Variants in CELF2 observed in about 807,000 individuals in gnomAD.
CELF2 encodes the protein CUGBP Elav-like family member 2.
CELF2 carries 8 observed loss-of-function variants against 62.6 expected under a neutral mutation model. That is an observed-to-expected ratio of 0.13 (90% CI 0.07 to 0.23). CELF2 has a LOEUF of 0.23. Among genes scored for constraint, CELF2 ranks in the 10% least tolerant of loss-of-function variants. The pLI is 1.00. For missense variants in CELF2, 333 were observed against 671.0 expected, an observed-to-expected ratio of 0.50 and a Z score of 5.56; for synonymous variants, 258 against 250.0, an observed-to-expected ratio of 1.03 and a Z score of -0.30.
At position 11,246,418 on chromosome 10, in the gene CELF2, G is replaced by A. The variant is rs2075629405; in HGVS notation, c.355-2735G>A. Among the ~76,000 whole-genome samples the A allele has an allele frequency of 6.6e-6, 1 of 152,092 alleles. No individual in the cohort carries two copies. The highest frequency in any genetic ancestry group is 1.5e-5 in the Non-Finnish European group (1 of 68,038). Reference sequence around the variant, plus strand: ...CTGAGCTTCCTGTTGAACTCCCTTTGCAGGTGACCTCAAAATAGAAGAAGC... The same window carrying A: ...CTGAGCTTCCTGTTGAACTCCCTTTACAGGTGACCTCAAAATAGAAGAAGC... On this transcript the variant is annotated intron_variant, in intron 3 of 12. Transcript: ENST00000633077. This position sits in a 1 kb window ranked among gnomAD's most constrained non-coding sequence, Gnocchi z 4.6.
chr10:10,613,444 C>A, the CELF2 span, among the ~76,000 whole-genome samples: 1 of 152,104 alleles, frequency 6.6e-6, no homozygotes, highest in African/African-American at 2.4e-5. Context: ...CATTGGCATG[C>A]GGAATCAATG....
chr10:11,239,079 G>T (rs892996767), intron 3 of CELF2, among the ~76,000 whole-genome samples: 2 of 152,116 alleles, frequency 1.3e-5, no homozygotes, highest in African/African-American at 4.8e-5. Context: ...TCTGACAGCC[G>T]ATTAGAGTAA....
intron 1 of CELF2, among the ~76,000 whole-genome samples, chr10:10,803,322 C>T (rs1370360675): frequency 6.6e-6 from 1 of 152,236 alleles, no homozygotes; most frequent in Non-Finnish European, 1.5e-5. Flanking sequence ...TCTGGCCTGA[C>T]CCTTATGAAC....
the CELF2 span, among the ~76,000 whole-genome samples, chr10:10,551,908 C>T: frequency 6.6e-6 from 1 of 152,126 alleles, no homozygotes; most frequent in East Asian, 1.9e-4. Context: ...CTTTAGAGGG[C>T]CGCATGCTGC....
chr10:11,050,511 G>A (rs1427429327), intron 1 of CELF2, among the ~76,000 whole-genome samples: 1 of 152,190 alleles, frequency 6.6e-6, no homozygotes, highest in Non-Finnish European at 1.5e-5. Flanking sequence ...CTGCTGGACT[G>A]TAGCAGCTCC....
chr10:11,170,009 G>A (rs1161379292), intron 2 of CELF2, among the ~76,000 whole-genome samples: 1 of 152,224 alleles, frequency 6.6e-6, no homozygotes, highest in South Asian at 2.1e-4. Flanking sequence ...GGACCCAAGA[G>A]TATTTCAGAA....
the CELF2 span, among the ~76,000 whole-genome samples, chr10:10,691,881 G>A: frequency 5.6e-3 from 842 of 149,040 alleles, 4 homozygotes; most frequent in Non-Finnish European, 9.5e-3. Flanking sequence ...AAATTTGTTT[G>A]AGTTCATTGT....
chr10:10,749,647 T>C, the CELF2 span, among the ~76,000 whole-genome samples: 2 of 152,200 alleles, frequency 1.3e-5, no homozygotes, highest in African/African-American at 4.8e-5. Flanking sequence ...TTTAAATGTA[T>C]ACATGAAAAG....
At chr10:10,905,737 G>A (rs113251463) in intron 1 of CELF2, among the ~76,000 whole-genome samples, 1 of 152,048 alleles carries the variant, frequency 6.6e-6, no homozygotes, top group African/African-American at 2.4e-5. Flanking sequence ...AATTAGCCAG[G>A]TGTGGTGGCG....
intron 11 of CELF2, among the ~76,000 whole-genome samples, chr10:11,323,792 G>A (rs1377989863): frequency 6.6e-6 from 1 of 152,154 alleles, no homozygotes; most frequent in Non-Finnish European, 1.5e-5. Context: ...TTGTGAACAG[G>A]TGTTTCCCAT....
chr10:10,556,438 G>A, the CELF2 span, among the ~76,000 whole-genome samples: 2 of 152,136 alleles, frequency 1.3e-5, no homozygotes, highest in South Asian at 4.1e-4. Flanking sequence ...ATCATTCTTG[G>A]ACATTTGGGT....
At chr10:10,547,068 C>T in the CELF2 span, among the ~76,000 whole-genome samples, 1 of 152,136 alleles carries the variant, frequency 6.6e-6, no homozygotes, top group Admixed American at 6.5e-5. Flanking sequence ...GATCACGCCA[C>T]TGCACTCTAT....
chr10:10,715,622 C>T, the CELF2 span, among the ~76,000 whole-genome samples: 1 of 152,094 alleles, frequency 6.6e-6, no homozygotes, highest in Non-Finnish European at 1.5e-5. Context: ...TGAAATAAAA[C>T]ATTCCCAAGG....
the CELF2 span, among the ~76,000 whole-genome samples, chr10:10,711,991 A>C: frequency 6.6e-6 from 1 of 152,060 alleles, no homozygotes; most frequent in Non-Finnish European, 1.5e-5. Context: ...TGTGCAAGGA[A>C]GAAGCCGAGC....
chr10:10,667,437 AT>A, the CELF2 span, among the ~76,000 whole-genome samples: 1 of 152,200 alleles, frequency 6.6e-6, no homozygotes, highest in African/African-American at 2.4e-5. Context: ...GTGTCAATAC[AT>A]AGAAAAGGAG....
chr10:10,746,805 A>G, the CELF2 span, among the ~76,000 whole-genome samples: 1 of 152,218 alleles, frequency 6.6e-6, no homozygotes, highest in Non-Finnish European at 1.5e-5. Context: ...TCTTGAATGT[A>G]CCAAAAATAG....
intron 1 of CELF2, among the ~76,000 whole-genome samples, chr10:11,070,342 G>A (rs2069498222): frequency 6.6e-6 from 1 of 152,108 alleles, no homozygotes; most frequent in Non-Finnish European, 1.5e-5. Flanking sequence ...AGAGGATGCG[G>A]GCACCCATGA....
chr10:11,206,833 T>C (rs991147612), intron 2 of CELF2, among the ~76,000 whole-genome samples: 1 of 152,266 alleles, frequency 6.6e-6, no homozygotes. Context: ...TGACGTTTTC[T>C]CTAACAAAGA....
the CELF2 span, among the ~76,000 whole-genome samples, chr10:10,672,787 C>T: frequency 2.0e-5 from 3 of 151,958 alleles, no homozygotes; most frequent in African/African-American, 7.2e-5. Flanking sequence ...GGGCCTTTTT[C>T]CTATGTATAT....
Sources: allele counts gnomAD v4.1 joint callset (sites outside exome capture counted in the v4.1 genomes callset), GRCh38; gene constraint gnomAD v4.1.1; non-coding constraint Gnocchi (gnomAD v3.1); transcripts MANE v1.5; gene names NCBI Gene and HGNC (gene_info 2026-07-23, HGNC 2026-07-21).